ASRGL1: variants seen among roughly 807,000 people sequenced by gnomAD.
ASRGL1 encodes asparaginase and isoaspartyl peptidase 1.
Under a neutral mutation model 22.4 loss-of-function variants are expected in ASRGL1, and 16 were observed. That is an observed-to-expected ratio of 0.71 (90% CI 0.48 to 1.08). The LOEUF (loss-of-function observed/expected upper bound fraction) is 1.08. ASRGL1 is among the 50% of genes least tolerant of loss of function. The pLI, the probability that ASRGL1 is intolerant of heterozygous loss-of-function variation, is 0.00. For missense variants in ASRGL1, 412 were observed against 410.1 expected (o/e 1.00, Z -0.04); for synonymous variants, 165 against 159.3 (o/e 1.04, Z -0.27).
In ASRGL1 at chr11:62,338,913, C is replaced by CGACA. The variant is rs1945796520; in HGVS notation, c.190+749_190+752dup. On this transcript the variant is annotated intron_variant, in intron 2 of 6. Transcript: ENST00000415229. ...TGAGCCGAGATCACTCCAGCCTGGG[C>CGACA]GACAGAGCGAGACTATCTCAAAAAA... Among the ~76,000 whole-genome samples the CGACA allele has an allele frequency of 5.2e-5, 6 of 114,426 alleles. No homozygotes were observed. In the Admixed American group the frequency reaches 8.3e-4, roughly 16 times the overall value. The allele number at this position is 114,426 out of a possible 152,430, so 75.1% of individuals were successfully genotyped here.
chr11:62,383,552 G>A (rs1168196913), intron 4 of ASRGL1, among the ~76,000 whole-genome samples: 21 of 127,658 alleles, frequency 1.6e-4, no homozygotes, highest in African/African-American at 5.6e-4. Flanking sequence ...GCAGTGAGCC[G>A]AGATCCCGCC....
intron 4 of ASRGL1, chr11:62,382,953 C>G (rs761492711): frequency 1.3e-5 from 2 of 152,292 alleles, no homozygotes; most frequent in East Asian, 3.8e-4. Flanking sequence ...CTCTGCGACA[C>G]AGGGTTGGGG....
chr11:62,397,797 C>T (rs1947449208), downstream of ASRGL1, among the ~76,000 whole-genome samples: 1 of 152,078 alleles, frequency 6.6e-6, no homozygotes, highest in African/African-American at 2.4e-5. Context: ...AAAAGTGAGA[C>T]CATGCCATGT....
chr11:62,354,411 A>T (rs954157422), intron 2 of ASRGL1, among the ~76,000 whole-genome samples: 1 of 152,166 alleles, frequency 6.6e-6, no homozygotes, highest in Non-Finnish European at 1.5e-5. Context: ...TCATACATAC[A>T]TATGATAAAG....
At chr11:62,397,639 G>A (rs906468816), downstream of ASRGL1, among the ~76,000 whole-genome samples, 1 of 146,120 alleles carries the variant, frequency 6.8e-6, no homozygotes, top group Non-Finnish European at 1.5e-5. Context: ...ACTCCAGCCT[G>A]GACAACAAGA....
At chr11:62,373,971 C>A (rs1188185681) in intron 4 of ASRGL1, among the ~76,000 whole-genome samples, 1 of 152,178 alleles carries the variant, frequency 6.6e-6, no homozygotes, top group Non-Finnish European at 1.5e-5. Flanking sequence ...CAGGGCTGAG[C>A]CTTGTCACAC....
intron 2 of ASRGL1, among the ~76,000 whole-genome samples, chr11:62,349,279 C>A (rs1252485760): frequency 6.6e-6 from 1 of 152,162 alleles, no homozygotes; most frequent in Non-Finnish European, 1.5e-5. Flanking sequence ...GATGAACTTT[C>A]ATTCACTTTA....
rs1374698423 is a variant in ASRGL1, at chr11:62,356,430, C to A, written c.296C>A (p.Ala99Glu). Reference sequence around the variant, plus strand: ...GCAGTGTCCGCAGTCCAGTGTATAGCAAATCCCATTAAACTTGCTCGGCTT... The same window carrying A: ...GCAGTGTCCGCAGTCCAGTGTATAGAAAATCCCATTAAACTTGCTCGGCTT... ...AGAVSAVQCI[A>E]NPIKLARLVM... The change falls in exon 3 of 7, where the codon GCA becomes GAA. Residue 99 changes from alanine (A) to glutamate (E), a missense_variant. Transcript: ENST00000415229. 1 of 1,614,190 alleles carries A rather than the reference C, an allele frequency of 6.2e-7. No individual in the cohort carries two copies. Among genetic ancestry groups the A allele is most frequent in the Admixed American group, 1.7e-5 (1 of 60,012 alleles).
At position 62,375,428 on chromosome 11, in the gene ASRGL1, TTATATATATATATATATATATATATATA is replaced by T. The variant is rs71053051; in HGVS notation, c.492-13679_492-13652del. ...GGTTTAGTGCTGTAATTGTCTTACT[TTATATATATATATATATATATATATATA>T]TATATATATATATATATATATATAT... is the stretch of plus-strand genomic sequence containing the variant. On this transcript the variant is annotated intron_variant, in intron 4 of 6. Coordinates refer to ENST00000415229, the MANE Select transcript of ASRGL1 (RefSeq NM_001083926.2). Among the ~76,000 whole-genome samples, 136 of 69,022 alleles carry T rather than the reference TTATATATATATATATATATATATATATA, an allele frequency of 2.0e-3. 6 individuals carry two copies. The highest frequency in any genetic ancestry group is 3.1e-3 in the Admixed American group (15 of 4,884). The allele number at this position is 69,022 out of a possible 152,430, so 45.3% of individuals were successfully genotyped here. A position where few individuals can be genotyped will look rare whatever the true frequency, so the allele number is the denominator to read the frequency against.
the ASRGL1 span, among the ~76,000 whole-genome samples, chr11:62,400,902 G>A: frequency 3.4e-4 from 52 of 152,268 alleles, no homozygotes; most frequent in East Asian, 2.9e-3. Flanking sequence ...AAAACCAGAC[G>A]CCCTGCCCCT....
At chr11:62,370,537 G>T (rs943058156) in intron 4 of ASRGL1, among the ~76,000 whole-genome samples, 1 of 152,128 alleles carries the variant, frequency 6.6e-6, no homozygotes. Flanking sequence ...TGGTCTTGGA[G>T]TAGAGATTCC....
At chr11:62,383,932 A>T (rs1947138400) in intron 4 of ASRGL1, among the ~76,000 whole-genome samples, 1 of 139,458 alleles carries the variant, frequency 7.2e-6, no homozygotes, top group Non-Finnish European at 1.6e-5. Context: ...AAAAAAAATC[A>T]GTACTCCCTG....
rs560410695 is a variant in ASRGL1, at chr11:62,348,971, T to G, written c.191-7354T>G. ...GATGAACTTTTTTGGTTTTTTGTGG[T>G]TTTTTTTTGTTTTTTGAGATGGAGT... On this transcript the variant is annotated intron_variant, in intron 2 of 6. Transcript: ENST00000415229. 1.3e-3 allele frequency among the ~76,000 whole-genome samples: 191 copies of G among 146,998 alleles called. 1 individual carries two copies. Among genetic ancestry groups the G allele is most frequent in the Admixed American group, 1.9e-3 (29 of 14,960 alleles).
rs1590761952 is a variant in ASRGL1, at chr11:62,389,137, T to C, written c.496T>C (p.Leu166=). The C allele has an allele frequency of 6.2e-7, 1 of 1,608,120 alleles. No homozygotes were observed. The highest frequency in any genetic ancestry group is 8.5e-7 in the Non-Finnish European group (1 of 1,175,062). ...TTTTCTGTTTATTTTTGGCAGAAAC[T>C]TGGGAACCGTGGGTGCTGTTGCCTT... ...GAQKTDCQKN[L]GTVGAVALDC... Residue 166 remains leucine, a synonymous_variant, in exon 5 of 7, where the codon TTG becomes CTG. Transcript: ENST00000415229.
At chr11:62,386,876 G>A (rs1947224354) in intron 4 of ASRGL1, among the ~76,000 whole-genome samples, 1 of 151,048 alleles carries the variant, frequency 6.6e-6, no homozygotes, top group Non-Finnish European at 1.5e-5. Context: ...TGGAGGGCAG[G>A]TGGAGTGGAA....
chr11:62,344,264 A>G (rs1945954117), intron 2 of ASRGL1, among the ~76,000 whole-genome samples: 1 of 152,094 alleles, frequency 6.6e-6, no homozygotes, highest in African/African-American at 2.4e-5. Flanking sequence ...GTTTCTTACT[A>G]TTGAGTTTTA....
At chr11:62,351,416 G>A (rs189711547) in intron 2 of ASRGL1, among the ~76,000 whole-genome samples, 2 of 152,236 alleles carry the variant, frequency 1.3e-5, no homozygotes, top group East Asian at 1.9e-4. Flanking sequence ...TTGGGAGGCC[G>A]AGACAGGTGG....
chr11:62,357,103 A>C lies in ASRGL1; in HGVS notation c.450A>C (p.Lys150Asn), dbSNP rs781092984. 3.1e-6 allele frequency: 5 copies of C among 1,613,990 alleles called. No individual in the cohort carries two copies. The African/African-American group carries it at 4.0e-5, about 13-fold the overall frequency. Residue 150 changes from lysine to asparagine, a missense_variant, in exon 4 of 7, where the codon AAA becomes AAC. Lys to Asn is a moderately conservative substitution (Grantham distance 94, BLOSUM62 0). Coordinates refer to ENST00000415229, the MANE Select transcript of ASRGL1 (RefSeq NM_001083926.2). ...VTERNKKRLE[K>N]EKHEKGAQKT... The stretch of plus-strand genomic sequence containing the variant: ...AGAGAAACAAAAAGCGCCTGGAAAA[A>C]GAGAAGCATGAAAAAGGTGCTCAGA...
Position 62,372,237 on chromosome 11 carries a change from G to C in ASRGL1, c.491+15093G>C, listed in dbSNP as rs575123293. 1.4e-4 allele frequency: 193 copies of C among 1,409,242 alleles called. 1 individual carries two copies. The African/African-American group carries it at 2.4e-3, about 18-fold the overall frequency. 87.3% of individuals were successfully genotyped at this position (1,409,242 alleles called of 1,614,324 possible). A position where few individuals can be genotyped will look rare whatever the true frequency, so the allele number is the denominator to read the frequency against. On this transcript the variant is annotated intron_variant, in intron 4 of 6. Transcript: ENST00000415229. Reference sequence around the variant, plus strand: ...CACGAAGTGATTGTGTGCAGCGTGTGCGCGGAACCACACCTTGGCCTTGAC... The same window carrying C: ...CACGAAGTGATTGTGTGCAGCGTGTCCGCGGAACCACACCTTGGCCTTGAC...
Sources: allele counts gnomAD v4.1 joint callset (sites outside exome capture counted in the v4.1 genomes callset), GRCh38; gene constraint gnomAD v4.1.1; transcripts MANE v1.5; gene names NCBI Gene and HGNC (gene_info 2026-07-23, HGNC 2026-07-21).